The following PRKN variants were observed in gnomAD, a reference collection of about 807,000 sequenced individuals.
PRKN encodes the protein E3 ubiquitin-protein ligase parkin.
PRKN carries 56 observed loss-of-function variants against 59.5 expected under a neutral mutation model. That is an observed-to-expected ratio of 0.94 (90% CI 0.76 to 1.18). The LOEUF is 1.18. Among genes scored for constraint, PRKN ranks in the 50% most tolerant of loss-of-function variants. PRKN has a pLI of 0.00. For missense variants in PRKN, 657 were observed against 596.4 expected (o/e 1.10, Z -1.06); for synonymous variants, 250 against 222.1 (o/e 1.13, Z -1.12).
chr6:161,682,575 G>C (rs937974475), intron 7 of PRKN, among the ~76,000 whole-genome samples: 1 of 152,018 alleles, frequency 6.6e-6, no homozygotes, highest in African/African-American at 2.4e-5. Flanking sequence ...CTTGAGGGTA[G>C]AGTGCAAGGG....
intron 7 of PRKN, among the ~76,000 whole-genome samples, chr6:161,594,160 C>G (rs577145267): frequency 2.0e-5 from 3 of 152,124 alleles, no homozygotes; most frequent in South Asian, 4.1e-4. Flanking sequence ...AAGACTCCGT[C>G]TCAAAAAAAC....
intron 4 of PRKN, among the ~76,000 whole-genome samples, chr6:162,151,816 C>G (rs544446807): frequency 1.3e-5 from 2 of 152,130 alleles, no homozygotes; most frequent in South Asian, 4.2e-4. Context: ...TTTTTTTATT[C>G]ACATAGGGTA....
chr6:162,502,506 G>A (rs949769215), intron 1 of PRKN, among the ~76,000 whole-genome samples: 1 of 152,070 alleles, frequency 6.6e-6, no homozygotes, highest in Non-Finnish European at 1.5e-5. Flanking sequence ...CTTCACTAAA[G>A]GGCAGCATTA....
rs939340761 is a variant in PRKN at position 161,457,203 on chromosome 6, G to A, written c.1084-70326C>T. Reference sequence around the variant, plus strand: ...CCATGAGATTTTGTAATAAAGCCAAGGCTAATAATAATGCATTCCATTACT... The same window carrying A: ...CCATGAGATTTTGTAATAAAGCCAAAGCTAATAATAATGCATTCCATTACT... On this transcript the variant is annotated intron_variant, in intron 9 of 11. Coordinates refer to ENST00000366898, the MANE Select transcript of PRKN (RefSeq NM_004562.3). This position sits in a 1 kb window ranked among gnomAD's most constrained non-coding sequence, Gnocchi z 5.0. Among the ~76,000 whole-genome samples the A allele has an allele frequency of 1.3e-5, 2 of 152,194 alleles. No homozygotes were observed. The highest frequency in any genetic ancestry group is 3.8e-4 in the East Asian group (2 of 5,196).
In PRKN at chr6:161,575,309, C is replaced by A. The variant is rs1781088020; in HGVS notation, c.872-5893G>T. On this transcript the variant is annotated intron_variant, in intron 7 of 11. Coordinates refer to ENST00000366898, the MANE Select transcript of PRKN (RefSeq NM_004562.3). The surrounding 1 kb of genome is among the most constrained non-coding windows in gnomAD (Gnocchi z 4.6). ...TGCTATACCATAAAGGTCATTTTAT[C>A]ATCTAACGGGGAAGCTCCTCAATGA... is the stretch of plus-strand genomic sequence containing the variant. Among the ~76,000 whole-genome samples the A allele has an allele frequency of 6.6e-6, 1 of 152,126 alleles. No homozygotes were observed. The highest frequency in any genetic ancestry group is 1.5e-5 in the Non-Finnish European group (1 of 68,042).
intron 2 of PRKN, among the ~76,000 whole-genome samples, chr6:162,291,619 C>A (rs1199401097): frequency 1.3e-5 from 2 of 152,112 alleles, no homozygotes; most frequent in Admixed American, 6.5e-5. Flanking sequence ...GATTCTTGAG[C>A]CAAACATGAA....
At chr6:161,913,553 A>C (rs1225195222) in intron 6 of PRKN, among the ~76,000 whole-genome samples, 2 of 152,218 alleles carry the variant, frequency 1.3e-5, no homozygotes, top group East Asian at 3.8e-4. Flanking sequence ...AATAAAAAGC[A>C]ATAACCAGAA....
At chr6:161,509,200 CTTT>C (rs10578350) in intron 9 of PRKN, among the ~76,000 whole-genome samples, 101 of 149,286 alleles carry the variant, frequency 6.8e-4, no homozygotes, top group Middle Eastern at 3.5e-3. Flanking sequence ...AAAGACTTTT[CTTT>C]TTTTTTTTTT....
Position 162,181,348 on chromosome 6 carries a change from T to C in PRKN, c.534+19783A>G, listed in dbSNP as rs563872826. Among the ~76,000 whole-genome samples the C allele has an allele frequency of 2.2e-4, 33 of 152,314 alleles. No homozygotes were observed. In the South Asian group the frequency reaches 6.2e-3, roughly 29 times the overall value. On this transcript the variant is annotated intron_variant, in intron 4 of 11. Coordinates refer to ENST00000366898, the MANE Select transcript of PRKN (RefSeq NM_004562.3). ...TATTTCTGGTACTGAAACCAAAGAA[T>C]ACAAGTGGATGCTTGGTGTTACCAA...
chr6:162,146,127 C>T (rs975968894), intron 4 of PRKN, among the ~76,000 whole-genome samples: 1 of 152,128 alleles, frequency 6.6e-6, no homozygotes, highest in African/African-American at 2.4e-5. Flanking sequence ...CTTAGGATCC[C>T]TGCCTCCAGA....
intron 4 of PRKN, among the ~76,000 whole-genome samples, chr6:162,155,484 T>C (rs1045547000): frequency 2.0e-5 from 3 of 152,090 alleles, no homozygotes; most frequent in Non-Finnish European, 4.4e-5. Context: ...ACAGAACTAC[T>C]ACTGAATTTC....
chr6:162,093,393 T>A (rs1779590824), intron 4 of PRKN, among the ~76,000 whole-genome samples: 1 of 152,166 alleles, frequency 6.6e-6, no homozygotes, highest in African/African-American at 2.4e-5. Flanking sequence ...CTGCACTTTC[T>A]TCTCCTGTAG....
intron 8 of PRKN, among the ~76,000 whole-genome samples, chr6:161,556,542 C>T (rs147567343): frequency 2.6e-4 from 40 of 152,184 alleles, no homozygotes; most frequent in Admixed American, 7.9e-4. Context: ...TTTACTGGCA[C>T]GAAGTTGAAA....
rs3032884 is a variant in PRKN, at chr6:161,483,174, CAAAA to C, written c.1083+65676_1083+65679del. Among the ~76,000 whole-genome samples the C allele has an allele frequency of 3.9e-5, 5 of 128,368 alleles. No individual in the cohort carries two copies. The highest frequency in any genetic ancestry group is 7.8e-5 in the Admixed American group (1 of 12,792). 84.2% of individuals were successfully genotyped at this position (128,368 alleles called of 152,430 possible). A position where few individuals can be genotyped will look rare whatever the true frequency, so the allele number is the denominator to read the frequency against. ...CTCGTGACAACTAACAATTGTGTTT[CAAAA>C]AAAAAAAAAAAAACATGCATTGTTA... On this transcript the variant is annotated intron_variant, in intron 9 of 11. Transcript: ENST00000366898. The surrounding 1 kb of genome is among the most constrained non-coding windows in gnomAD (Gnocchi z 5.0).
intron 2 of PRKN, among the ~76,000 whole-genome samples, chr6:162,340,277 T>TA (rs1335891524): frequency 6.6e-6 from 1 of 152,218 alleles, no homozygotes; most frequent in African/African-American, 2.4e-5. Flanking sequence ...AAATTGGATA[T>TA]AACACTTGAA....
At chr6:161,478,920 C>T (rs1395097556) in intron 9 of PRKN, among the ~76,000 whole-genome samples, 1 of 151,992 alleles carries the variant, frequency 6.6e-6, no homozygotes, top group Non-Finnish European at 1.5e-5. Flanking sequence ...TGCAATGATG[C>T]AGCTATAGTC....
At chr6:161,482,793 A>G (rs897846126) in intron 9 of PRKN, among the ~76,000 whole-genome samples, 2 of 152,182 alleles carry the variant, frequency 1.3e-5, no homozygotes, top group Admixed American at 6.5e-5. Flanking sequence ...AGGTTAATTG[A>G]ATTTTTACAA....
intron 1 of PRKN, among the ~76,000 whole-genome samples, chr6:162,522,258 G>C (rs1778107251): frequency 6.6e-6 from 1 of 152,116 alleles, no homozygotes; most frequent in African/African-American, 2.4e-5. Context: ...CAAGTAGCTG[G>C]GACTACAGGC....
chr6:161,821,826 G>C (rs1418942511), intron 6 of PRKN, among the ~76,000 whole-genome samples: 1 of 135,606 alleles, frequency 7.4e-6, no homozygotes, highest in East Asian at 2.4e-4. Flanking sequence ...TCGGCTCACT[G>C]CAACTTCTGC....
Sources: gnomAD v4.1 joint callset for allele counts (sites outside exome capture counted in the v4.1 genomes callset) on GRCh38, gnomAD v4.1.1 for gene constraint, Gnocchi (gnomAD v3.1) non-coding constraint, MANE v1.5 for transcripts, NCBI Gene and HGNC (gene_info 2026-07-23, HGNC 2026-07-21) for gene names.